Variants in ACVR1C observed in about 807,000 individuals in gnomAD.
The protein encoded by ACVR1C is activin A receptor type 1C.
In ACVR1C, 23 loss-of-function variants were observed where a neutral mutation model predicts 57.9. The observed-to-expected ratio is 0.40, with a 90% confidence interval of 0.29 to 0.56. The LOEUF is 0.56. ACVR1C is among the 20% of genes least tolerant of loss of function. The probability of loss-of-function intolerance (pLI) is 0.50; values close to 1 mark genes in which losing one functional copy is unlikely to be tolerated. For missense variants in ACVR1C, 480 were observed against 607.9 expected (o/e 0.79, Z 2.21); for synonymous variants, 214 against 215.3 (o/e 0.99, Z 0.05).
At chr2:157,606,219 G>C (rs1219971327) in intron 1 of ACVR1C, among the ~76,000 whole-genome samples, 1 of 151,562 alleles carries the variant, frequency 6.6e-6, no homozygotes, top group East Asian at 1.9e-4. Context: ...GGACACTTAG[G>C]CTGAATCCAC....
At chr2:157,625,696 G>A (rs1682880422) in intron 1 of ACVR1C, among the ~76,000 whole-genome samples, 1 of 152,040 alleles carries the variant, frequency 6.6e-6, no homozygotes, top group South Asian at 2.1e-4. Context: ...TTCCATTTTT[G>A]GAGTAACAAC....
At chr2:157,595,687 G>A (rs1682080290) in intron 1 of ACVR1C, among the ~76,000 whole-genome samples, 2 of 152,094 alleles carry the variant, frequency 1.3e-5, no homozygotes. Flanking sequence ...GACCTGATAG[G>A]CTAATAGTCT....
intron 4 of ACVR1C, among the ~76,000 whole-genome samples, chr2:157,546,524 C>T (rs1044820787): frequency 6.6e-6 from 1 of 151,986 alleles, no homozygotes; most frequent in Admixed American, 6.6e-5. Context: ...ATGGTGGATC[C>T]TTGACATTAA....
rs1491411690 is a variant in ACVR1C, at chr2:157,554,272, G to GAAAGAAAGAAAGAAAGA, written c.544+1820_544+1821insTCTTTCTTTCTTTCTTT. ...GAAAGAAAGAAAGAAAGAAAGAAAG[G>GAAAGAAAGAAAGAAAGA]AAGGAAGGAAGAGAGAGAGAGAGAG... On this transcript the variant is annotated intron_variant, in intron 3 of 8. Transcript: ENST00000243349. Among the ~76,000 whole-genome samples the GAAAGAAAGAAAGAAAGA allele has an allele frequency of 4.7e-3, 222 of 47,440 alleles. 1 individual carries two copies. The highest frequency in any genetic ancestry group is 7.7e-3 in the African/African-American group (68 of 8,850). The allele number at this position is 47,440 out of a possible 152,430, so 31.1% of individuals were successfully genotyped here.
At chr2:157,542,196 T>C (rs1285793341) in intron 6 of ACVR1C, among the ~76,000 whole-genome samples, 6 of 152,124 alleles carry the variant, frequency 3.9e-5, no homozygotes, top group Admixed American at 3.3e-4. Context: ...AATACATAAA[T>C]TGTTATATAA....
intron 1 of ACVR1C, among the ~76,000 whole-genome samples, chr2:157,598,360 A>G (rs1398784092): frequency 6.6e-6 from 1 of 151,770 alleles, no homozygotes; most frequent in Non-Finnish European, 1.5e-5. Flanking sequence ...TTAAAAGAAT[A>G]AAAATAAAAT....
chr2:157,555,458 T>C (rs775627255), intron 3 of ACVR1C, among the ~76,000 whole-genome samples: 5 of 152,176 alleles, frequency 3.3e-5, no homozygotes, highest in Non-Finnish European at 7.4e-5. Flanking sequence ...GGAGTTCCAT[T>C]AAAGAGGAAG....
chr2:157,549,482 A>C (rs935650322), intron 4 of ACVR1C, among the ~76,000 whole-genome samples: 1 of 152,148 alleles, frequency 6.6e-6, no homozygotes, highest in African/African-American at 2.4e-5. Flanking sequence ...AGAGTTCTCC[A>C]GGATTCTGTT....
chr2:157,586,218 C>T (rs1688918772), intron 2 of ACVR1C, among the ~76,000 whole-genome samples: 1 of 151,970 alleles, frequency 6.6e-6, no homozygotes, highest in Admixed American at 6.6e-5. Flanking sequence ...GGCAAGTACA[C>T]TGGTTTTTAA....
intron 8 of ACVR1C, among the ~76,000 whole-genome samples, chr2:157,536,386 G>A (rs1257607137): frequency 3.3e-5 from 5 of 152,154 alleles, no homozygotes; most frequent in Admixed American, 2.6e-4. Flanking sequence ...GAATGCTGAA[G>A]ACAGAGAAGT....
rs943955528 is a variant in ACVR1C at position 157,532,735 on chromosome 2, G to A, written c.*1183C>T. ...AAGGGTAGAGGAATATCTATTTGCTGTTTCTGATACCGTCTGTAGGGTTTG... is the reference window on the plus strand; with the variant it reads ...AAGGGTAGAGGAATATCTATTTGCTATTTCTGATACCGTCTGTAGGGTTTG... On this transcript the variant is annotated 3_prime_UTR_variant, in exon 9 of 9. Coordinates refer to ENST00000243349, the MANE Select transcript of ACVR1C (RefSeq NM_145259.3). 1 of 152,078 alleles carries A rather than the reference G, an allele frequency of 6.6e-6. No homozygotes were observed. The highest frequency in any genetic ancestry group is 2.4e-5 in the African/African-American group (1 of 41,412). 9.4% of individuals were successfully genotyped at this position (152,078 alleles called of 1,614,324 possible).
chr2:157,582,417 C>T (rs561443984), intron 2 of ACVR1C, among the ~76,000 whole-genome samples: 2 of 152,144 alleles, frequency 1.3e-5, no homozygotes, highest in South Asian at 4.1e-4. Context: ...CATTTGAAAA[C>T]CAATTAATGC....
chr2:157,622,618 T>A (rs1642510627), intron 1 of ACVR1C, among the ~76,000 whole-genome samples: 1 of 152,056 alleles, frequency 6.6e-6, no homozygotes, highest in African/African-American at 2.4e-5. Flanking sequence ...AACAGTCAAA[T>A]CAAAATGAAT....
At chr2:157,605,090 CTTAT>C (rs1338518400) in intron 1 of ACVR1C, among the ~76,000 whole-genome samples, 2 of 151,444 alleles carry the variant, frequency 1.3e-5, no homozygotes, top group East Asian at 3.9e-4. Context: ...TTTTGATGTT[CTTAT>C]TTATTTATTT....
chr2:157,550,460 G>T, intron 3 of ACVR1C, 68 bp from the exon 4 acceptor site: 1 of 1,413,008 alleles, frequency 7.1e-7, no homozygotes, highest in Non-Finnish European at 9.8e-7. Flanking sequence ...AATAATCACT[G>T]TTTTCAGATT....
At position 157,554,281 on chromosome 2, in the gene ACVR1C, A is replaced by AAGGG. The variant is rs1558975202; in HGVS notation, c.544+1811_544+1812insCCCT. On this transcript the variant is annotated intron_variant, in intron 3 of 8. Transcript: ENST00000243349. ...AAAGAAAGAAAGAAAGGAAGGAAGGAAGAGAGAGAGAGAGAGAAAGAAAGA... is the reference window on the plus strand; with the variant it reads ...AAAGAAAGAAAGAAAGGAAGGAAGGAAGGGAGAGAGAGAGAGAGAGAAAGAAAGA... 1.9e-3 allele frequency among the ~76,000 whole-genome samples: 233 copies of AAGGG among 122,380 alleles called. 5 individuals carry two copies. Among genetic ancestry groups the AAGGG allele is most frequent in the Middle Eastern group, 0.012 (3 of 254 alleles). 80.3% of individuals were successfully genotyped at this position (122,380 alleles called of 152,430 possible).
intron 4 of ACVR1C, among the ~76,000 whole-genome samples, chr2:157,546,126 G>A (rs1041371588): frequency 6.6e-6 from 1 of 152,080 alleles, no homozygotes; most frequent in Non-Finnish European, 1.5e-5. Context: ...GATTAAACTA[G>A]CCCATGAAGA....
intron 4 of ACVR1C, among the ~76,000 whole-genome samples, chr2:157,549,527 T>C (rs1031205207): frequency 6.6e-6 from 1 of 152,188 alleles, no homozygotes; most frequent in African/African-American, 2.4e-5. Flanking sequence ...AGTTGGTTCC[T>C]GCACCAAACC....
At chr2:157,610,126 G>A (rs903774221) in intron 1 of ACVR1C, among the ~76,000 whole-genome samples, 1 of 152,004 alleles carries the variant, frequency 6.6e-6, no homozygotes, top group African/African-American at 2.4e-5. Flanking sequence ...GTGTGTGTTT[G>A]TCATGTCAGT....
Sources: gnomAD v4.1 joint callset for allele counts (sites outside exome capture counted in the v4.1 genomes callset) on GRCh38, gnomAD v4.1.1 for gene constraint, MANE v1.5 for transcripts, NCBI Gene and HGNC (gene_info 2026-07-23, HGNC 2026-07-21) for gene names.